The following GLMN variants were observed in gnomAD, a reference collection of about 807,000 sequenced individuals.
GLMN encodes the protein glomulin.
Under a neutral mutation model 87.8 loss-of-function variants are expected in GLMN, and 75 were observed. The observed-to-expected ratio is 0.85, with a 90% confidence interval of 0.71 to 1.04. The LOEUF is 1.04. Ranked by LOEUF, GLMN falls within the 50% of genes least tolerant of loss-of-function variation. GLMN has a pLI of 0.00. For synonymous variants in GLMN, 206 were observed against 221.6 expected (o/e 0.93, Z 0.63); for missense variants, 588 against 658.8 (o/e 0.89, Z 1.18).
At chr1:92,325,207 T>TG in the GLMN span, among the ~76,000 whole-genome samples, 1 of 152,318 alleles carries the variant, frequency 6.6e-6, no homozygotes, top group South Asian at 2.1e-4. Flanking sequence ...TGAAGAGGAA[T>TG]GGGTAATAAC....
chr1:92,290,873 A>G (rs1293792415), intron 4 of GLMN, among the ~76,000 whole-genome samples: 1 of 152,208 alleles, frequency 6.6e-6, no homozygotes, highest in Non-Finnish European at 1.5e-5. Flanking sequence ...TTTCTTGGCC[A>G]TCAAATATTG....
chr1:92,332,111 G>A, the GLMN span, among the ~76,000 whole-genome samples: 6 of 150,864 alleles, frequency 4.0e-5, no homozygotes, highest in Admixed American at 6.6e-5. Flanking sequence ...CTTCTCTTTA[G>A]TCTTTTTTTT....
chr1:92,280,207 T>C (rs1270184050), intron 7 of GLMN, among the ~76,000 whole-genome samples: 1 of 152,122 alleles, frequency 6.6e-6, no homozygotes, highest in African/African-American at 2.4e-5. Context: ...CACCTGCCAG[T>C]AGGGGGCCGA....
intron 16 of GLMN, among the ~76,000 whole-genome samples, chr1:92,259,796 A>G (rs570843142): frequency 3.8e-4 from 51 of 132,512 alleles, no homozygotes; most frequent in Non-Finnish European, 5.4e-4. Flanking sequence ...GTGCAGTGGC[A>G]TGATCTCGGC....
At chr1:92,323,786 A>G in the GLMN span, 1 of 1,614,002 alleles carries the variant, frequency 6.2e-7, no homozygotes, top group African/African-American at 1.3e-5. Flanking sequence ...GCTACATGTG[A>G]ACTTCCTTTA....
At chr1:92,268,745 C>T (rs1339682221) in intron 9 of GLMN, among the ~76,000 whole-genome samples, 1 of 152,110 alleles carries the variant, frequency 6.6e-6, no homozygotes, top group Non-Finnish European at 1.5e-5. Flanking sequence ...AGAGATGGGA[C>T]TGATAAACTG....
the GLMN span, among the ~76,000 whole-genome samples, chr1:92,335,414 C>CTTTA: frequency 6.6e-6 from 1 of 152,100 alleles, no homozygotes; most frequent in East Asian, 1.9e-4. Context: ...GTAACACATA[C>CTTTA]TTTAGAAAAT....
At chr1:92,250,327 A>G (rs1425128785) in intron 16 of GLMN, among the ~76,000 whole-genome samples, 5 of 152,144 alleles carry the variant, frequency 3.3e-5, no homozygotes, top group African/African-American at 9.7e-5. Context: ...TTAAAAGCAC[A>G]TAAATGGTAT....
intron 16 of GLMN, among the ~76,000 whole-genome samples, chr1:92,258,720 A>G (rs1255273707): frequency 6.6e-6 from 1 of 152,188 alleles, no homozygotes; most frequent in African/African-American, 2.4e-5. Flanking sequence ...ACATGGACAC[A>G]GGATGGGGAA....
At chr1:92,265,744 C>T (rs960013444) in intron 13 of GLMN, among the ~76,000 whole-genome samples, 2 of 152,004 alleles carry the variant, frequency 1.3e-5, no homozygotes, top group African/African-American at 2.4e-5. Context: ...CTGCTGCACC[C>T]GCCAAAAAAG....
chr1:92,297,570 A>G, intron 2 of GLMN, 41 bp from the exon 3 acceptor site: 4 of 1,493,672 alleles, frequency 2.7e-6, no homozygotes, highest in South Asian at 1.2e-5. Flanking sequence ...AACAAAAAAA[A>G]GTATATGCAA....
intron 7 of GLMN, among the ~76,000 whole-genome samples, chr1:92,281,504 A>G (rs1317216599): frequency 6.6e-6 from 1 of 152,248 alleles, no homozygotes; most frequent in African/African-American, 2.4e-5. Flanking sequence ...GGTACCAGCT[A>G]CTGCAAAAAC....
chr1:92,351,620 G>T, the GLMN span, among the ~76,000 whole-genome samples: 1 of 152,084 alleles, frequency 6.6e-6, no homozygotes, highest in Admixed American at 6.6e-5. Context: ...ACCTCTGTCA[G>T]TATATTTGAG....
At chr1:92,316,487 T>C in the GLMN span, among the ~76,000 whole-genome samples, 3 of 152,248 alleles carry the variant, frequency 2.0e-5, no homozygotes. Context: ...ATATATCCAC[T>C]AAGTTCTTTG....
the GLMN span, among the ~76,000 whole-genome samples, chr1:92,351,738 C>T: frequency 6.6e-6 from 1 of 152,148 alleles, no homozygotes; most frequent in Non-Finnish European, 1.5e-5. Flanking sequence ...AGAAGGCTAT[C>T]GAGAAGCAGC....
At chr1:92,292,868 A>G (rs529441558) in intron 3 of GLMN, among the ~76,000 whole-genome samples, 1 of 151,510 alleles carries the variant, frequency 6.6e-6, no homozygotes, top group African/African-American at 2.4e-5. Context: ...TGTATAAAAT[A>G]CAAAAATTAG....
chr1:92,262,127 A>G (rs775863557), intron 16 of GLMN, among the ~76,000 whole-genome samples: 1 of 152,190 alleles, frequency 6.6e-6, no homozygotes, highest in Non-Finnish European at 1.5e-5. Context: ...CCTTCATCCC[A>G]AATCACGATT....
rs555884094 is a variant in GLMN, at chr1:92,255,410, A to G, written c.1474-7421T>C. Among the ~76,000 whole-genome samples, 7 of 152,312 alleles carry G rather than the reference A, an allele frequency of 4.6e-5. No homozygotes were observed. The East Asian group carries it at 1.3e-3, about 29-fold the overall frequency. ...ACTCAGCTCTGGACCAAGCAGACCTAACAGACATCTACAGAACTCTCCACC... is the reference window on the plus strand; with the variant it reads ...ACTCAGCTCTGGACCAAGCAGACCTGACAGACATCTACAGAACTCTCCACC... On this transcript the variant is annotated intron_variant, in intron 16 of 18. Coordinates refer to ENST00000370360, the MANE Select transcript of GLMN (RefSeq NM_053274.3).
At chr1:92,311,746 A>C in the GLMN span, among the ~76,000 whole-genome samples, 2 of 152,164 alleles carry the variant, frequency 1.3e-5, no homozygotes, top group African/African-American at 4.8e-5. Context: ...GCAATCATGG[A>C]TTTTGTTTCC....
Sources: allele counts gnomAD v4.1 joint callset (sites outside exome capture counted in the v4.1 genomes callset), GRCh38; gene constraint gnomAD v4.1.1; transcripts MANE v1.5; gene names NCBI Gene and HGNC (gene_info 2026-07-23, HGNC 2026-07-21).